The following CFAP69 variants were observed in gnomAD, a reference collection of about 807,000 sequenced individuals.
CFAP69 encodes cilia- and flagella-associated protein 69.
A neutral mutation model predicts 123.0 loss-of-function variants in CFAP69; 92 were observed. The ratio of observed to expected loss-of-function variants is 0.75; its 90% confidence interval spans 0.63 to 0.89. The LOEUF (loss-of-function observed/expected upper bound fraction) is 0.89. CFAP69 is among the 40% of genes least tolerant of loss of function. CFAP69 has a pLI of 0.00. For synonymous variants in CFAP69, 380 were observed against 364.3 expected, an observed-to-expected ratio of 1.04 and a Z score of -0.49; for missense variants, 1,067 against 1,096.9, an observed-to-expected ratio of 0.97 and a Z score of 0.39.
chr7:90,323,416 T>C, the CFAP69 span, among the ~76,000 whole-genome samples: 22 of 152,148 alleles, frequency 1.4e-4, no homozygotes, highest in Admixed American at 7.2e-4. Flanking sequence ...GAGATGTAGA[T>C]AGTAAGTTTA....
At position 90,307,075 on chromosome 7, in the gene CFAP69, A is replaced by C. The variant is rs1173632050; in HGVS notation, c.2440A>C (p.Asn814His). 1 of 1,610,992 alleles carries C rather than the reference A, an allele frequency of 6.2e-7. No individual in the cohort carries two copies. The highest frequency in any genetic ancestry group is 1.3e-5 in the African/African-American group (1 of 74,664). Residue 814 changes from asparagine to histidine, a missense_variant, in exon 20 of 23, where the codon AAT becomes CAT. Transcript: ENST00000389297. Reference sequence around the variant, plus strand: ...AAGCCAAGCATGCCAAGACATGCAAAATGAACAAAAAGTATATGCAAAAGT... The same window carrying C: ...AAGCCAAGCATGCCAAGACATGCAACATGAACAAAAAGTATATGCAAAAGT... ...IESQACQDMQNEQKVYAKIQA... is the reference protein window; with the variant it reads ...IESQACQDMQHEQKVYAKIQA...
chr7:90,306,062 C>T (rs1171654306), intron 19 of CFAP69, among the ~76,000 whole-genome samples: 1 of 127,102 alleles, frequency 7.9e-6, no homozygotes, highest in Non-Finnish European at 1.6e-5. Context: ...CCAGCCTCAT[C>T]TTCCCAAGTA....
intron 4 of CFAP69, among the ~76,000 whole-genome samples, chr7:90,263,036 T>G (rs1798545679): frequency 6.6e-6 from 1 of 152,142 alleles, no homozygotes; most frequent in African/African-American, 2.4e-5. Context: ...ATTATTATAT[T>G]GACATACGAT....
chr7:90,259,763 G>A lies in CFAP69; in HGVS notation c.246+1600G>A, dbSNP rs1798081755. On this transcript the variant is annotated intron_variant, in intron 3 of 22. Transcript: ENST00000389297. The stretch of plus-strand genomic sequence containing the variant: ...GGCCTCCCAAAGTGCTGGGATTACA[G>A]GTGTGAGCCACCACAGCTGGCCATT... Among the ~76,000 whole-genome samples the A allele has an allele frequency of 3.3e-5, 5 of 152,030 alleles. No individual in the cohort carries two copies. The South Asian group carries it at 8.3e-4, about 25-fold the overall frequency.
At chr7:90,248,472 C>T (rs966813094) in intron 1 of CFAP69, among the ~76,000 whole-genome samples, 1 of 152,100 alleles carries the variant, frequency 6.6e-6, no homozygotes, top group African/African-American at 2.4e-5. Context: ...ATCTAAGCTA[C>T]TACAAATGAT....
At chr7:90,317,092 T>G in the CFAP69 span, 16 of 140,880 alleles carry the variant, frequency 1.1e-4, no homozygotes, top group Non-Finnish European at 3.1e-5. Flanking sequence ...TGTCAGGTCA[T>G]TTTTTTTTTT....
At chr7:90,288,103 A>G in intron 14 of CFAP69, 131 bp from the exon 15 acceptor site, 1 of 630,108 alleles carries the variant, frequency 1.6e-6, no homozygotes, top group Non-Finnish European at 2.6e-6. Flanking sequence ...ATTGCAGTAA[A>G]AATAGTATTT....
chr7:90,318,956 T>C, the CFAP69 span: 1 of 155,780 alleles, frequency 6.4e-6, no homozygotes, highest in Admixed American at 6.5e-5. Context: ...CCAATATGAC[T>C]CTTAAATTTC....
At chr7:90,293,259 AC>A (rs1236179650) in intron 15 of CFAP69, among the ~76,000 whole-genome samples, 2 of 152,220 alleles carry the variant, frequency 1.3e-5, no homozygotes, top group African/African-American at 4.8e-5. Flanking sequence ...TATTAATTTT[AC>A]ACTCAATTCT....
intron 4 of CFAP69, among the ~76,000 whole-genome samples, chr7:90,263,213 A>T (rs1798574281): frequency 6.6e-6 from 1 of 152,142 alleles, no homozygotes; most frequent in South Asian, 2.1e-4. Flanking sequence ...AATCCTTTTT[A>T]GCTGCAGTCT....
chr7:90,257,999 C>T (rs1797854076), intron 2 of CFAP69, 99 bp from the exon 3 acceptor site: 2 of 686,082 alleles, frequency 2.9e-6, no homozygotes, highest in Non-Finnish European at 2.4e-6. Context: ...TTAAGAATTA[C>T]TTGATAATTT....
At chr7:90,274,804 T>C (rs1392090635) in intron 9 of CFAP69, among the ~76,000 whole-genome samples, 1 of 152,196 alleles carries the variant, frequency 6.6e-6, no homozygotes, top group Non-Finnish European at 1.5e-5. Context: ...GAGATCTCCT[T>C]TGTATTTGTT....
At chr7:90,306,148 C>T (rs146938757) in intron 19 of CFAP69, among the ~76,000 whole-genome samples, 212 of 151,870 alleles carry the variant, frequency 1.4e-3, no homozygotes, top group African/African-American at 4.9e-3. Flanking sequence ...GACAAGGTCT[C>T]ACTGTGTTGC....
rs773263746 is a variant in CFAP69, at chr7:90,286,302, G to A, written c.1559G>A (p.Ser520Asn). 6 of 1,602,588 alleles carry A rather than the reference G, an allele frequency of 3.7e-6. No individual in the cohort carries two copies. In the South Asian group the frequency reaches 6.6e-5, roughly 18 times the overall value. ...CCAGGAATCTTTAAAAATATAATAA[G>A]CAAGCCTAATGAAAAGGAAGAAGCC... ...QMIGIFKNII[S>N]KPNEKEEAIV... Residue 520 changes from serine to asparagine, a missense_variant, in exon 14 of 23, where the codon AGC becomes AAC. By Grantham distance (46) the Ser-to-Asn change is conservative. Transcript: ENST00000389297.
intron 17 of CFAP69, chr7:90,300,944 A>C (rs1792711219): frequency 6.6e-6 from 1 of 150,900 alleles, no homozygotes; most frequent in Non-Finnish European, 1.5e-5. Context: ...GAGCCACCAC[A>C]CCTGGCCAAT....
At chr7:90,293,919 C>T (rs1278220199) in intron 15 of CFAP69, among the ~76,000 whole-genome samples, 1 of 152,174 alleles carries the variant, frequency 6.6e-6, no homozygotes. Context: ...GCCTAACGAC[C>T]TTCAAATTGT....
At position 90,274,025 on chromosome 7, in the gene CFAP69, G is replaced by A. The variant is rs756616968; in HGVS notation, c.899G>A (p.Gly300Asp). 1 of 1,604,658 alleles carries A rather than the reference G, an allele frequency of 6.2e-7. No homozygotes were observed. ...KEVFKNLFMRGFSHYDRQLRN... is the reference protein window; with the variant it reads ...KEVFKNLFMRDFSHYDRQLRN... ...GTATTTAAAAATCTGTTTATGAGAGGTTTCAGTCATTATGACCGTCAGCTT... is the reference window on the plus strand; with the variant it reads ...GTATTTAAAAATCTGTTTATGAGAGATTTCAGTCATTATGACCGTCAGCTT... The change falls in exon 9 of 23, where the codon GGT becomes GAT. Residue 300 changes from glycine to aspartate, a missense_variant. Transcript: ENST00000389297.
intron 12 of CFAP69, among the ~76,000 whole-genome samples, chr7:90,282,203 G>A (rs1010687849): frequency 1.3e-5 from 2 of 148,306 alleles, no homozygotes; most frequent in African/African-American, 5.0e-5. Flanking sequence ...AAAAAAAGCA[G>A]CTGGTCATAG....
At chr7:90,261,826 G>C in intron 3 of CFAP69, 121 bp from the exon 4 acceptor site, 2 of 466,878 alleles carry the variant, frequency 4.3e-6, no homozygotes, top group Non-Finnish European at 7.4e-6. Flanking sequence ...AATTAAAACA[G>C]TATCTACCAC....
Sources: gnomAD v4.1 joint callset for allele counts (sites outside exome capture counted in the v4.1 genomes callset) on GRCh38, gnomAD v4.1.1 for gene constraint, MANE v1.5 for transcripts, NCBI Gene and HGNC (gene_info 2026-07-23, HGNC 2026-07-21) for gene names.